ST6GALNAC3: variants seen among roughly 807,000 people sequenced by gnomAD.
ST6GALNAC3 encodes ST6 N-acetylgalactosaminide alpha-2,6-sialyltransferase 3.
ST6GALNAC3 carries 25 observed loss-of-function variants against 32.7 expected under a neutral mutation model. That is an observed-to-expected ratio of 0.76 (90% CI 0.56 to 1.07). ST6GALNAC3 has a LOEUF of 1.07. ST6GALNAC3 is among the 50% of genes least tolerant of loss of function. The pLI, the probability that ST6GALNAC3 is intolerant of heterozygous loss-of-function variation, is 0.00. For missense variants in ST6GALNAC3, 355 were observed against 382.4 expected (o/e 0.93, Z 0.60); for synonymous variants, 129 against 133.1 (o/e 0.97, Z 0.21).
In ST6GALNAC3 at chr1:76,202,267, C is replaced by CGTGTGTGT. The variant is rs1009699009; in HGVS notation, c.19-111538_19-111537insGTGTGTGT. On this transcript the variant is annotated intron_variant, in intron 1 of 4. Coordinates refer to ENST00000328299, the MANE Select transcript of ST6GALNAC3 (RefSeq NM_152996.4). ...TGTGGGTGGAGAGTGTGTGTGCATG[C>CGTGTGTGT]ATGTGTGTGTGTGTGTGTGTGTGTG... Among the ~76,000 whole-genome samples, 118 of 96,876 alleles carry CGTGTGTGT rather than the reference C, an allele frequency of 1.2e-3. No homozygotes were observed. In the South Asian group the frequency reaches 0.016, roughly 13 times the overall value. 63.6% of individuals were successfully genotyped at this position (96,876 alleles called of 152,430 possible).
At chr1:76,362,093 C>A (rs896415741) in intron 2 of ST6GALNAC3, among the ~76,000 whole-genome samples, 3 of 152,066 alleles carry the variant, frequency 2.0e-5, no homozygotes, top group Non-Finnish European at 4.4e-5. Flanking sequence ...ACACTGGCAT[C>A]TGCTCTGCTT....
intron 1 of ST6GALNAC3, among the ~76,000 whole-genome samples, chr1:76,075,496 A>G (rs1263660025): frequency 6.6e-6 from 1 of 152,206 alleles, no homozygotes; most frequent in Non-Finnish European, 1.5e-5. Flanking sequence ...CTTTATGCTC[A>G]TAAATTTGAA....
chr1:76,153,098 G>A (rs773229988), intron 1 of ST6GALNAC3, among the ~76,000 whole-genome samples: 14 of 152,114 alleles, frequency 9.2e-5, no homozygotes, highest in South Asian at 2.1e-4. Flanking sequence ...TTTAATAGTG[G>A]TGTCTGGTGT....
chr1:76,096,927 T>C (rs1647142447), intron 1 of ST6GALNAC3, among the ~76,000 whole-genome samples: 1 of 151,842 alleles, frequency 6.6e-6, no homozygotes, highest in African/African-American at 2.4e-5. Flanking sequence ...GCTTTTTTTT[T>C]TTTTTTTTTG....
intron 1 of ST6GALNAC3, chr1:76,305,963 A>T (rs753134895): frequency 1.9e-6 from 1 of 517,224 alleles, no homozygotes; most frequent in Non-Finnish European, 3.9e-6. Flanking sequence ...ATTGTTATTC[A>T]TACTAATGGG....
intron 3 of ST6GALNAC3, among the ~76,000 whole-genome samples, chr1:76,621,730 T>C (rs1648663142): frequency 1.3e-5 from 2 of 152,086 alleles, no homozygotes; most frequent in Non-Finnish European, 1.5e-5. Flanking sequence ...TTTAAATGTA[T>C]TCTTTCATTA....
At chr1:76,513,979 A>G (rs1662024326) in intron 3 of ST6GALNAC3, among the ~76,000 whole-genome samples, 1 of 152,180 alleles carries the variant, frequency 6.6e-6, no homozygotes, top group Non-Finnish European at 1.5e-5. Context: ...GCATACAGAA[A>G]TGCTACTGAT....
At chr1:76,303,304 T>G (rs1259499361) in intron 1 of ST6GALNAC3, among the ~76,000 whole-genome samples, 1 of 152,042 alleles carries the variant, frequency 6.6e-6, no homozygotes, top group Non-Finnish European at 1.5e-5. Flanking sequence ...TACTTTCCAT[T>G]TTCAATCTGC....
At chr1:76,341,204 C>T (rs1445363309) in intron 2 of ST6GALNAC3, among the ~76,000 whole-genome samples, 4 of 151,742 alleles carry the variant, frequency 2.6e-5, no homozygotes, top group Non-Finnish European at 4.4e-5. Flanking sequence ...CCCTTCCTCC[C>T]TCCTCCGTTT....
At chr1:76,497,216 T>C (rs1372572522) in intron 3 of ST6GALNAC3, among the ~76,000 whole-genome samples, 1 of 152,148 alleles carries the variant, frequency 6.6e-6, no homozygotes, top group Non-Finnish European at 1.5e-5. Context: ...AAAAAGACTC[T>C]TGAATCTTGG....
rs181217641 is a variant in ST6GALNAC3, at chr1:76,089,603, G to C, written c.18+14719G>C. 8.5e-5 allele frequency among the ~76,000 whole-genome samples: 13 copies of C among 152,298 alleles called. No homozygotes were observed. In the East Asian group the frequency reaches 2.5e-3, roughly 29 times the overall value. ...ATTTTATACAAATAAGTTATTAGTT[G>C]TACAGGTTGTTAAATTTTCCATTTG... On this transcript the variant is annotated intron_variant, in intron 1 of 4. Transcript: ENST00000328299.
At chr1:76,296,545 A>G (rs1660415943) in intron 1 of ST6GALNAC3, among the ~76,000 whole-genome samples, 3 of 152,178 alleles carry the variant, frequency 2.0e-5, no homozygotes, top group Middle Eastern at 3.4e-3. Flanking sequence ...TAGAAAATTC[A>G]ATTCTCTCTT....
intron 1 of ST6GALNAC3, among the ~76,000 whole-genome samples, chr1:76,138,676 C>G (rs1650101230): frequency 6.6e-6 from 1 of 152,186 alleles, no homozygotes; most frequent in South Asian, 2.1e-4. Context: ...CTTGACATAT[C>G]ATATCTTTTT....
chr1:76,628,614 T>C lies in ST6GALNAC3; in HGVS notation c.732-6T>C, dbSNP rs985157034. 7 of 1,578,466 alleles carry C rather than the reference T, an allele frequency of 4.4e-6. No homozygotes were observed. Among genetic ancestry groups the C allele is most frequent in the Non-Finnish European group, 5.1e-6 (6 of 1,169,734 alleles). On this transcript the variant is annotated splice_region_variant and splice_polypyrimidine_tract_variant and intron_variant, in intron 4 of 4. Coordinates refer to ENST00000328299, the MANE Select transcript of ST6GALNAC3 (RefSeq NM_152996.4). ...TTCTCTCCTTTTCTTTTTTTTTCTT[T>C]TCTAGGACAGAAGGGTATAGAAAAG...
At chr1:76,336,315 C>A (rs2100976350) in intron 2 of ST6GALNAC3, among the ~76,000 whole-genome samples, 1 of 152,254 alleles carries the variant, frequency 6.6e-6, no homozygotes, top group South Asian at 2.1e-4. Flanking sequence ...TATAGATTTG[C>A]AGGGCACAGA....
chr1:76,106,971 G>T (rs1391398888), intron 1 of ST6GALNAC3, among the ~76,000 whole-genome samples: 1 of 152,172 alleles, frequency 6.6e-6, no homozygotes, highest in African/African-American at 2.4e-5. Context: ...CTATCTTGCT[G>T]AGAAATTAAC....
intron 3 of ST6GALNAC3, among the ~76,000 whole-genome samples, chr1:76,469,321 G>A (rs1000818487): frequency 1.3e-5 from 2 of 151,958 alleles, no homozygotes; most frequent in East Asian, 3.9e-4. Flanking sequence ...ATATCTAATA[G>A]TACAGAACAT....
At chr1:76,178,267 G>A (rs1422960233) in intron 1 of ST6GALNAC3, among the ~76,000 whole-genome samples, 1 of 152,212 alleles carries the variant, frequency 6.6e-6, no homozygotes, top group African/African-American at 2.4e-5. Flanking sequence ...GAGAGATTTT[G>A]TATTGAACTT....
chr1:76,393,750 T>G (rs1652736522), intron 2 of ST6GALNAC3, among the ~76,000 whole-genome samples: 1 of 152,176 alleles, frequency 6.6e-6, no homozygotes, highest in Admixed American at 6.5e-5. Flanking sequence ...TGCTTTTCCT[T>G]ATTTAATCAC....
Sources: allele counts gnomAD v4.1 joint callset (sites outside exome capture counted in the v4.1 genomes callset), GRCh38; gene constraint gnomAD v4.1.1; transcripts MANE v1.5; gene names NCBI Gene and HGNC (gene_info 2026-07-23, HGNC 2026-07-21).